The following SMAD3 variants were observed in gnomAD, a reference collection of about 807,000 sequenced individuals.
SMAD3 encodes MAD homolog 3.
In SMAD3, 12 loss-of-function variants were observed where a neutral mutation model predicts 51.8. That is an observed-to-expected ratio of 0.23 (90% CI 0.15 to 0.38). SMAD3 has a LOEUF of 0.38. SMAD3 is among the 10% of genes least tolerant of loss of function. SMAD3 has a pLI of 1.00. For synonymous variants in SMAD3, 238 were observed against 227.7 expected (o/e 1.05, Z -0.41); for missense variants, 294 against 565.6 (o/e 0.52, Z 4.87).
intron 8 of SMAD3, among the ~76,000 whole-genome samples, chr15:67,188,932 A>G (rs1271455450): frequency 1.3e-5 from 2 of 152,230 alleles, no homozygotes; most frequent in African/African-American, 4.8e-5. Flanking sequence ...GTCAGGGAAC[A>G]CAGCCCCTTG....
chr15:67,126,925 C>T (rs1263854745), intron 1 of SMAD3, among the ~76,000 whole-genome samples: 3 of 152,218 alleles, frequency 2.0e-5, no homozygotes, highest in African/African-American at 7.2e-5. Context: ...CACACAGGCA[C>T]ACTCTTGAAT....
At chr15:67,131,505 T>C (rs1961524415) in intron 1 of SMAD3, among the ~76,000 whole-genome samples, 1 of 152,216 alleles carries the variant, frequency 6.6e-6, no homozygotes, top group African/African-American at 2.4e-5. Context: ...TGCTGAATGG[T>C]GGCTGATGTC....
At chr15:67,078,374 A>G (rs148288571) in intron 1 of SMAD3, among the ~76,000 whole-genome samples, 247 of 152,236 alleles carry the variant, frequency 1.6e-3, no homozygotes, top group Admixed American at 5.8e-3. Context: ...AGTGTTTTCA[A>G]TTTCTTTGTT....
chr15:67,133,647 C>A (rs971820910), intron 1 of SMAD3, among the ~76,000 whole-genome samples: 1 of 152,100 alleles, frequency 6.6e-6, no homozygotes, highest in African/African-American at 2.4e-5. Context: ...GACCAACACA[C>A]AGAACTGTAG....
chr15:67,159,064 G>A (rs1446161339), intron 1 of SMAD3, among the ~76,000 whole-genome samples: 1 of 151,774 alleles, frequency 6.6e-6, no homozygotes, highest in African/African-American at 2.4e-5. Flanking sequence ...TAATCCCTCT[G>A]GGGGAAAAGA....
At chr15:67,181,143 T>C in intron 5 of SMAD3, 98 bp from the exon 6 acceptor site, 1 of 893,154 alleles carries the variant, frequency 1.1e-6, no homozygotes, top group Non-Finnish European at 1.8e-6. Flanking sequence ...CCCTCTGAAA[T>C]GCGGGGAAAT....
At chr15:67,165,504 A>G in intron 3 of SMAD3, 120 bp downstream of exon 3, 2 of 1,259,888 alleles carry the variant, frequency 1.6e-6, no homozygotes, top group South Asian at 2.7e-5. Context: ...CTCTTTGCGC[A>G]CAGCTCTGGC....
chr15:67,127,689 T>C (rs1003573347), intron 1 of SMAD3, among the ~76,000 whole-genome samples: 1 of 152,232 alleles, frequency 6.6e-6, no homozygotes, highest in African/African-American at 2.4e-5. Context: ...CTTCAGACTT[T>C]TTGAAATTGA....
At chr15:67,172,564 T>G (rs533267787) in intron 5 of SMAD3, among the ~76,000 whole-genome samples, 12 of 152,364 alleles carry the variant, frequency 7.9e-5, no homozygotes, top group African/African-American at 9.6e-5. Context: ...AAACATTTCT[T>G]GAGAGTTTGC....
At chr15:67,172,428 C>G (rs1030912485) in intron 5 of SMAD3, among the ~76,000 whole-genome samples, 1 of 152,228 alleles carries the variant, frequency 6.6e-6, no homozygotes, top group Admixed American at 6.5e-5. Flanking sequence ...CCTGGCTTCC[C>G]CTCTGCTTCA....
intron 1 of SMAD3, chr15:67,142,663 A>G: frequency 3.3e-6 from 1 of 302,948 alleles, no homozygotes. Context: ...GACAGGCTAG[A>G]CTAGAGGCGT....
intron 1 of SMAD3, among the ~76,000 whole-genome samples, chr15:67,106,566 C>T (rs1195676121): frequency 6.6e-6 from 1 of 152,152 alleles, no homozygotes; most frequent in Non-Finnish European, 1.5e-5. Context: ...TGTGATTATG[C>T]ACTGTCTGTC....
intron 1 of SMAD3, among the ~76,000 whole-genome samples, chr15:67,101,636 G>T (rs561313657): frequency 5.9e-5 from 9 of 152,152 alleles, no homozygotes; most frequent in Non-Finnish European, 1.2e-4. Context: ...AAGGTTTGAG[G>T]ATCTTGGAAG....
At chr15:67,137,851 A>G (rs1961704929) in intron 1 of SMAD3, 10 of 548,864 alleles carry the variant, frequency 1.8e-5, no homozygotes, top group Non-Finnish European at 3.3e-5. Flanking sequence ...GTTTGAAACA[A>G]GCTTGCAAAG....
intron 1 of SMAD3, among the ~76,000 whole-genome samples, chr15:67,096,343 TG>T (rs1197995503): frequency 1.3e-5 from 2 of 152,340 alleles, no homozygotes; most frequent in Admixed American, 6.5e-5. Context: ...GTTAGCTTTA[TG>T]GATGTTTCTC....
rs145978259 is a variant in SMAD3 at position 67,118,319 on chromosome 15, C to T, written c.207-46576C>T. On this transcript the variant is annotated intron_variant, in intron 1 of 8. Coordinates refer to ENST00000327367, the MANE Select transcript of SMAD3 (RefSeq NM_005902.4). The stretch of plus-strand genomic sequence containing the variant: ...GTGGCATAAGTAAAGATATGGATAG[C>T]GCTTTCCTCTTCAGAGTGTTTATTA... Among the ~76,000 whole-genome samples the T allele has an allele frequency of 1.0e-3, 156 of 152,312 alleles. 1 individual carries two copies. Among genetic ancestry groups the T allele is most frequent in the African/African-American group, 3.6e-3 (148 of 41,564 alleles).
intron 1 of SMAD3, 23 bp from the exon 2 acceptor site, chr15:67,164,872 T>C (rs765895995): frequency 3.1e-6 from 5 of 1,611,936 alleles, no homozygotes; most frequent in Non-Finnish European, 4.2e-6. Flanking sequence ...TCCCTCTCTT[T>C]CTGCCCCTCC....
At chr15:67,150,667 A>G (rs1962106567) in intron 1 of SMAD3, among the ~76,000 whole-genome samples, 1 of 152,080 alleles carries the variant, frequency 6.6e-6, no homozygotes, top group Non-Finnish European at 1.5e-5. Context: ...GAAGAAAGTG[A>G]AAAACAGAAT....
At chr15:67,108,766 G>A (rs901190363) in intron 1 of SMAD3, among the ~76,000 whole-genome samples, 1 of 152,076 alleles carries the variant, frequency 6.6e-6, no homozygotes, top group Non-Finnish European at 1.5e-5. Context: ...CACTGGGCTC[G>A]TTCTAAAACG....
Sources: gnomAD v4.1 joint callset for allele counts (sites outside exome capture counted in the v4.1 genomes callset) on GRCh38, gnomAD v4.1.1 for gene constraint, MANE v1.5 for transcripts, NCBI Gene and HGNC (gene_info 2026-07-23, HGNC 2026-07-21) for gene names.